PDE1A: variants seen among roughly 807,000 people sequenced by gnomAD.
The protein encoded by PDE1A is dual specificity calcium/calmodulin-dependent 3',5'-cyclic nucleotide phosphodiesterase 1A.
PDE1A carries 35 observed loss-of-function variants against 61.7 expected under a neutral mutation model. The observed-to-expected ratio is 0.57, with a 90% confidence interval of 0.43 to 0.75. The LOEUF (loss-of-function observed/expected upper bound fraction) is 0.75. Among genes scored for constraint, PDE1A ranks in the 30% least tolerant of loss-of-function variants. The pLI is 0.00. For missense variants in PDE1A, 597 were observed against 630.6 expected (o/e 0.95, Z 0.57); for synonymous variants, 232 against 213.2 (o/e 1.09, Z -0.77).
At chr2:182,294,953 G>A (rs1209698189) in intron 1 of PDE1A, among the ~76,000 whole-genome samples, 2 of 151,420 alleles carry the variant, frequency 1.3e-5, no homozygotes, top group African/African-American at 4.8e-5. Flanking sequence ...AGGATAGGTA[G>A]TGCCCAGAGC....
the PDE1A span, among the ~76,000 whole-genome samples, chr2:182,539,005 A>T: frequency 6.6e-6 from 1 of 152,108 alleles, no homozygotes; most frequent in Non-Finnish European, 1.5e-5. Flanking sequence ...AAAGGATCTC[A>T]TTTGCAAGAT....
upstream of PDE1A, among the ~76,000 whole-genome samples, chr2:182,431,255 C>A (rs1316829532): frequency 1.3e-5 from 2 of 151,816 alleles, no homozygotes; most frequent in Non-Finnish European, 2.9e-5. Flanking sequence ...TGTTGCCAAT[C>A]TTTTCTCTTT....
intron 1 of PDE1A, among the ~76,000 whole-genome samples, chr2:182,425,889 T>C (rs1181758717): frequency 6.6e-6 from 1 of 152,212 alleles, no homozygotes; most frequent in Non-Finnish European, 1.5e-5. Context: ...ATTTTTTATT[T>C]TAAATTCTAA....
intron 1 of PDE1A, among the ~76,000 whole-genome samples, chr2:182,293,196 C>T (rs958738120): frequency 2.6e-5 from 4 of 152,140 alleles, no homozygotes; most frequent in Non-Finnish European, 5.9e-5. Context: ...AAGCTGAGAA[C>T]CCTGGATCCT....
the PDE1A span, among the ~76,000 whole-genome samples, chr2:182,575,314 T>A: frequency 6.6e-6 from 1 of 151,910 alleles, no homozygotes; most frequent in African/African-American, 2.4e-5. Flanking sequence ...TGTGGAGGAG[T>A]ACACTGATTT....
Position 182,207,378 on chromosome 2 carries a change from T to C in PDE1A, c.777-1313A>G, listed in dbSNP as rs73043815. On this transcript the variant is annotated intron_variant, in intron 7 of 13. Coordinates refer to ENST00000351439, the Ensembl canonical transcript of PDE1A. ...TGCTTTAGCAAAAAGACTGATGGCA[T>C]TGTGCCCCTGCTCTAGAAATCTGTG... Among the ~76,000 whole-genome samples, 1,111 of 152,314 alleles carry C rather than the reference T, an allele frequency of 7.3e-3. 11 individuals carry two copies. The highest frequency in any genetic ancestry group is 0.024 in the African/African-American group (1,014 of 41,570).
At chr2:182,567,886 G>A in the PDE1A span, among the ~76,000 whole-genome samples, 27 of 150,146 alleles carry the variant, frequency 1.8e-4, no homozygotes, top group East Asian at 1.2e-3. Flanking sequence ...TCTGCCTCCC[G>A]GGTTCAAGCA....
chr2:182,268,773 C>T (rs1051756360), intron 1 of PDE1A, among the ~76,000 whole-genome samples: 6 of 152,056 alleles, frequency 3.9e-5, no homozygotes, highest in Non-Finnish European at 7.4e-5. Flanking sequence ...GAGATGCTAC[C>T]TATCTCGTAA....
chr2:182,168,103 C>T (rs1691765189), exon 14 of PDE1A: 1 of 1,373,812 alleles, frequency 7.3e-7, no homozygotes, highest in Non-Finnish European at 9.4e-7. Context: ...TTATGTGGCT[C>T]ATGATGCTTA....
chr2:182,636,888 G>A, the PDE1A span, among the ~76,000 whole-genome samples: 33 of 152,288 alleles, frequency 2.2e-4, no homozygotes, highest in African/African-American at 7.9e-4. Flanking sequence ...TCAGCAGGGG[G>A]CTGGTCTTTG....
intron 1 of PDE1A, among the ~76,000 whole-genome samples, chr2:182,340,998 G>A (rs567825609): frequency 7.2e-5 from 11 of 152,224 alleles, no homozygotes; most frequent in East Asian, 5.8e-4. Flanking sequence ...TAGAAGCTTC[G>A]AAAGTGTAAA....
chr2:182,340,566 A>G (rs1398084655), intron 1 of PDE1A, among the ~76,000 whole-genome samples: 2 of 152,194 alleles, frequency 1.3e-5, no homozygotes, highest in East Asian at 3.8e-4. Flanking sequence ...CCTTAACTAC[A>G]TGTAGCATCT....
At chr2:182,341,326 T>C (rs1698168983) in intron 1 of PDE1A, among the ~76,000 whole-genome samples, 1 of 152,232 alleles carries the variant, frequency 6.6e-6, no homozygotes, top group Non-Finnish European at 1.5e-5. Context: ...ATCCTATTGA[T>C]GAAGTCATTT....
intron 2 of PDE1A, among the ~76,000 whole-genome samples, chr2:182,436,991 C>T (rs1684468988): frequency 1.3e-5 from 2 of 151,714 alleles, no homozygotes; most frequent in African/African-American, 4.8e-5. Context: ...TAAGTTGAAC[C>T]CTAGCAGGAA....
chr2:182,617,647 G>T, the PDE1A span, among the ~76,000 whole-genome samples: 1 of 152,150 alleles, frequency 6.6e-6, no homozygotes, highest in Non-Finnish European at 1.5e-5. Flanking sequence ...AGTGCAGATG[G>T]CCTCCTCTCT....
At chr2:182,334,270 ACACACACACACACACACACATG>A (rs1697627359) in intron 1 of PDE1A, among the ~76,000 whole-genome samples, 1 of 150,130 alleles carries the variant, frequency 6.7e-6, no homozygotes, top group Non-Finnish European at 1.5e-5. Flanking sequence ...TGGAAGAGAC[ACACACACACACACACACACATG>A]CACACACACA....
the PDE1A span, among the ~76,000 whole-genome samples, chr2:182,573,692 T>C: frequency 6.6e-6 from 1 of 151,798 alleles, no homozygotes; most frequent in Non-Finnish European, 1.5e-5. Flanking sequence ...TGTATAATTT[T>C]GTTCTTAGGA....
the PDE1A span, among the ~76,000 whole-genome samples, chr2:182,633,054 G>A: frequency 5.9e-5 from 9 of 152,242 alleles, no homozygotes; most frequent in East Asian, 1.9e-4. Flanking sequence ...AAATAAAGAC[G>A]AATTTCATGT....
At chr2:182,416,507 AATAAAACATTAACT>A (rs1702926689) in intron 1 of PDE1A, among the ~76,000 whole-genome samples, 1 of 152,208 alleles carries the variant, frequency 6.6e-6, no homozygotes, top group South Asian at 2.1e-4. Flanking sequence ...ACAGTTATGT[AATAAAACATTAACT>A]ATTCCTTCAA....
Sources: gnomAD v4.1 joint callset for allele counts (sites outside exome capture counted in the v4.1 genomes callset) on GRCh38, gnomAD v4.1.1 for gene constraint, MANE v1.5 for transcripts, NCBI Gene and HGNC (gene_info 2026-07-23, HGNC 2026-07-21) for gene names.